The following PRKN variants were observed in gnomAD, a reference collection of about 807,000 sequenced individuals.
PRKN encodes the protein parkin RBR E3 ubiquitin protein ligase.
Under a neutral mutation model 59.5 loss-of-function variants are expected in PRKN, and 56 were observed. The observed-to-expected ratio is 0.94, with a 90% CI of 0.76 to 1.18. The LOEUF (loss-of-function observed/expected upper bound fraction) is 1.18, where lower values mean the gene tolerates loss of function less well. Among genes scored for constraint, PRKN ranks in the 50% most tolerant of loss-of-function variants. The pLI, the probability that PRKN is intolerant of heterozygous loss-of-function variation, is 0.00. For missense variants in PRKN, 657 were observed against 596.4 expected, an observed-to-expected ratio of 1.10 and a Z score of -1.06; for synonymous variants, 250 against 222.1, an observed-to-expected ratio of 1.13 and a Z score of -1.12.
intron 1 of PRKN, among the ~76,000 whole-genome samples, chr6:162,611,964 T>A (rs1782180333): frequency 6.6e-6 from 1 of 151,208 alleles, no homozygotes; most frequent in African/African-American, 2.4e-5. Flanking sequence ...GGCGGGCGTA[T>A]CATAAGGTCA....
At chr6:162,148,414 G>C (rs903820121) in intron 4 of PRKN, among the ~76,000 whole-genome samples, 8 of 151,428 alleles carry the variant, frequency 5.3e-5, no homozygotes, top group African/African-American at 1.9e-4. Context: ...GGACCATTCT[G>C]TCACCAGTGA....
intron 4 of PRKN, among the ~76,000 whole-genome samples, chr6:162,183,171 A>G (rs536679282): frequency 7.2e-5 from 11 of 152,332 alleles, no homozygotes; most frequent in East Asian, 1.9e-4. Context: ...GGGAGGCCCA[A>G]TGTGTTCTCA....
intron 3 of PRKN, among the ~76,000 whole-genome samples, chr6:162,248,226 G>A (rs556375243): frequency 1.3e-5 from 2 of 152,198 alleles, no homozygotes; most frequent in South Asian, 4.1e-4. Flanking sequence ...GTTACTAATC[G>A]AACATTTTAT....
At chr6:162,288,593 G>A (rs1338238104) in intron 2 of PRKN, among the ~76,000 whole-genome samples, 2 of 152,126 alleles carry the variant, frequency 1.3e-5, no homozygotes, top group Non-Finnish European at 2.9e-5. Context: ...GTCATCGTAA[G>A]TTCTACAGCT....
intron 3 of PRKN, among the ~76,000 whole-genome samples, chr6:162,206,730 G>A (rs1472272483): frequency 2.6e-5 from 4 of 152,132 alleles, no homozygotes; most frequent in Admixed American, 2.0e-4. Context: ...AGTAACAGCA[G>A]GGGCACAGAA....
chr6:162,291,656 G>A (rs1375800943), intron 2 of PRKN, among the ~76,000 whole-genome samples: 1 of 152,122 alleles, frequency 6.6e-6, no homozygotes, highest in Non-Finnish European at 1.5e-5. Context: ...AAGCTGACAG[G>A]AGAATTTCCC....
chr6:162,609,505 A>G (rs1341397990), intron 1 of PRKN, among the ~76,000 whole-genome samples: 1 of 152,204 alleles, frequency 6.6e-6, no homozygotes, highest in Non-Finnish European at 1.5e-5. Context: ...TATAGTTATG[A>G]TTCTTCATTG....
At chr6:162,382,760 A>G (rs573142641) in intron 2 of PRKN, among the ~76,000 whole-genome samples, 1 of 152,314 alleles carries the variant, frequency 6.6e-6, no homozygotes, top group East Asian at 1.9e-4. Flanking sequence ...TGATGCTGAT[A>G]GCATTTTACC....
At chr6:162,009,543 C>G (rs1347355835) in intron 5 of PRKN, among the ~76,000 whole-genome samples, 1 of 151,824 alleles carries the variant, frequency 6.6e-6, no homozygotes, top group Non-Finnish European at 1.5e-5. Flanking sequence ...AGAAGAAAAG[C>G]TGAAGCTCAA....
chr6:162,157,771 A>G lies in PRKN; in HGVS notation c.534+43360T>C, dbSNP rs541960410. ...TGCAAAACCAACCCAAGACACATTCAGAAAGACTTCTCATTCCCTCCAACT... is the reference window on the plus strand; with the variant it reads ...TGCAAAACCAACCCAAGACACATTCGGAAAGACTTCTCATTCCCTCCAACT... On this transcript the variant is annotated intron_variant, in intron 4 of 11. Transcript: ENST00000366898. Among the ~76,000 whole-genome samples, 37 of 152,142 alleles carry G rather than the reference A, an allele frequency of 2.4e-4. 1 individual carries two copies. Among genetic ancestry groups the G allele is most frequent in the African/African-American group, 8.0e-4 (33 of 41,432 alleles).
chr6:162,121,710 G>A (rs543837857), intron 4 of PRKN, among the ~76,000 whole-genome samples: 1 of 152,248 alleles, frequency 6.6e-6, no homozygotes, highest in South Asian at 2.1e-4. Context: ...TGAACATAAA[G>A]AAACCATGTG....
At chr6:161,478,413 T>C (rs1372488380) in intron 9 of PRKN, among the ~76,000 whole-genome samples, 4 of 151,794 alleles carry the variant, frequency 2.6e-5, no homozygotes, top group Non-Finnish European at 5.9e-5. Context: ...CACAAGTAGA[T>C]AGGACATACA....
rs372699712 is a variant in PRKN, at chr6:162,436,908, A to G, written c.171+6402T>C. Among the ~76,000 whole-genome samples the G allele has an allele frequency of 5.7e-3, 866 of 151,954 alleles. 6 individuals are homozygous for G. The highest frequency in any genetic ancestry group is 0.014 in the Middle Eastern group (4 of 290). On this transcript the variant is annotated intron_variant, in intron 2 of 11. Coordinates refer to ENST00000366898, the MANE Select transcript of PRKN (RefSeq NM_004562.3). ...GGAGTTCAAGACCAGCCTGGCCAAC[A>G]TGGTGAAACCCCGTCTCTACTAAAA... is the stretch of plus-strand genomic sequence containing the variant.
intron 1 of PRKN, among the ~76,000 whole-genome samples, chr6:162,555,253 A>G (rs930300423): frequency 1.3e-5 from 2 of 152,250 alleles, no homozygotes; most frequent in African/African-American, 4.8e-5. Flanking sequence ...CAATCATGAT[A>G]ATAGTATTTC....
intron 4 of PRKN, among the ~76,000 whole-genome samples, chr6:162,185,980 T>C (rs986620198): frequency 3.6e-4 from 54 of 152,052 alleles, no homozygotes; most frequent in Non-Finnish European, 7.2e-4. Context: ...ATTTTTTTTT[T>C]CAAAACATGT....
chr6:162,688,231 G>T (rs532482012), intron 1 of PRKN, among the ~76,000 whole-genome samples: 8 of 152,086 alleles, frequency 5.3e-5, no homozygotes, highest in Non-Finnish European at 7.4e-5. Context: ...TCTATATAAC[G>T]TTCAAGAACA....
intron 6 of PRKN, among the ~76,000 whole-genome samples, chr6:161,893,603 A>C (rs1777498316): frequency 6.6e-6 from 1 of 152,178 alleles, no homozygotes; most frequent in South Asian, 2.1e-4. Context: ...CAGTTTCTAC[A>C]TGTAAAATAT....
chr6:162,707,657 C>T, intron 1 of PRKN, among the ~76,000 whole-genome samples: 1 of 151,642 alleles, frequency 6.6e-6, no homozygotes, highest in East Asian at 1.9e-4. Context: ...TCACTGCAAC[C>T]TCCAACTCCC....
intron 1 of PRKN, among the ~76,000 whole-genome samples, chr6:162,455,355 T>G (rs142451290): frequency 7.2e-5 from 11 of 152,330 alleles, no homozygotes; most frequent in African/African-American, 2.6e-4. Context: ...TTCATCATTG[T>G]GCAAACATCA....
Sources: gnomAD v4.1 joint callset for allele counts (sites outside exome capture counted in the v4.1 genomes callset) on GRCh38, gnomAD v4.1.1 for gene constraint, MANE v1.5 for transcripts, NCBI Gene and HGNC (gene_info 2026-07-23, HGNC 2026-07-21) for gene names.